The following RSRC1 variants were observed in gnomAD, a reference collection of about 807,000 sequenced individuals.
RSRC1 encodes serine/Arginine-related protein 53.
In RSRC1, 39 loss-of-function variants were observed where a neutral mutation model predicts 49.1. The ratio of observed to expected loss-of-function variants is 0.79; its 90% CI spans 0.61 to 1.04. RSRC1 has a LOEUF of 1.04. Among genes scored for constraint, RSRC1 ranks in the 50% least tolerant of loss-of-function variants. The pLI is 0.00. For synonymous variants in RSRC1, 143 were observed against 130.8 expected (o/e 1.09, Z -0.63); for missense variants, 388 against 402.4 (o/e 0.96, Z 0.31).
At chr3:158,113,867 A>G (rs1250499103) in intron 1 of RSRC1, among the ~76,000 whole-genome samples, 2 of 151,106 alleles carry the variant, frequency 1.3e-5, no homozygotes, top group African/African-American at 4.9e-5. Flanking sequence ...TTTCTTGCAA[A>G]TTTGTTTAAC....
In RSRC1 at chr3:158,544,311, T is replaced by C; in HGVS notation, c.*36T>C. 1 of 1,343,080 alleles carries C rather than the reference T, an allele frequency of 7.4e-7. No individual in the cohort carries two copies. The highest frequency in any genetic ancestry group is 1.0e-6 in the Non-Finnish European group (1 of 967,214). 83.2% of individuals were successfully genotyped at this position (1,343,080 alleles called of 1,614,324 possible). On this transcript the variant is annotated 3_prime_UTR_variant, in exon 10 of 10. Coordinates refer to ENST00000611884, the MANE Select transcript of RSRC1 (RefSeq NM_001271838.2). The stretch of plus-strand genomic sequence containing the variant: ...TATAGTTGGATTGGATTGTCAGCAG[T>C]AACATTGGAAATTTAGGTTTTTAAA...
chr3:158,111,030 C>T (rs1714356007), intron 1 of RSRC1, among the ~76,000 whole-genome samples: 1 of 152,164 alleles, frequency 6.6e-6, no homozygotes, highest in Non-Finnish European at 1.5e-5. Context: ...CAATTGTGTT[C>T]CAGCTAACTA....
chr3:158,506,513 C>T (rs1739865929), intron 7 of RSRC1, among the ~76,000 whole-genome samples: 1 of 151,966 alleles, frequency 6.6e-6, no homozygotes, highest in African/African-American at 2.4e-5. Context: ...AAGCAAAACA[C>T]CAGAATAGAC....
chr3:158,276,045 T>C (rs929891575), intron 4 of RSRC1: 4 of 855,398 alleles, frequency 4.7e-6, no homozygotes, highest in African/African-American at 1.7e-5. Context: ...AAAATTTCTA[T>C]GTGGGATCTT....
chr3:158,401,434 T>C (rs1051002797), intron 6 of RSRC1, among the ~76,000 whole-genome samples: 3 of 152,068 alleles, frequency 2.0e-5, no homozygotes, highest in Non-Finnish European at 2.9e-5. Flanking sequence ...TATTTACTTA[T>C]AGATTGCGAT....
intron 5 of RSRC1, among the ~76,000 whole-genome samples, chr3:158,312,035 T>G (rs1190995994): frequency 2.6e-5 from 4 of 152,108 alleles, no homozygotes; most frequent in Non-Finnish European, 4.4e-5. Context: ...GTGGACATGG[T>G]AGAAACCCTG....
chr3:158,446,363 G>A (rs141436899), intron 6 of RSRC1, among the ~76,000 whole-genome samples: 2,408 of 151,394 alleles, frequency 0.016, 81 homozygotes, highest in African/African-American at 0.056. Flanking sequence ...ACTTTTTTTG[G>A]ATATATGATT....
intron 7 of RSRC1, among the ~76,000 whole-genome samples, chr3:158,461,714 A>G (rs1398491570): frequency 6.6e-6 from 1 of 151,830 alleles, no homozygotes; most frequent in East Asian, 1.9e-4. Flanking sequence ...TAGAATGGCA[A>G]TCATGTCACT....
chr3:158,180,450 T>TG (rs1559931927), intron 3 of RSRC1, among the ~76,000 whole-genome samples: 2 of 51,474 alleles, frequency 3.9e-5, no homozygotes, highest in African/African-American at 7.7e-5. Context: ...GTGTGTGTGT[T>TG]TATGTGTCTG....
Position 158,258,135 on chromosome 3 carries a change from A to C in RSRC1, c.495-39904A>C, listed in dbSNP as rs150583730. On this transcript the variant is annotated intron_variant, in intron 4 of 9. Coordinates refer to ENST00000611884, the MANE Select transcript of RSRC1 (RefSeq NM_001271838.2). ...TTCTGTTTACTTACTATTACCAGTG[A>C]GTTTTAAACCTTCAGATGATTTCTT... 1.2e-3 allele frequency among the ~76,000 whole-genome samples: 170 copies of C among 144,836 alleles called. 2 individuals are homozygous for C. Among genetic ancestry groups the C allele is most frequent in the African/African-American group, 4.1e-3 (165 of 39,958 alleles).
chr3:158,140,973 T>G (rs759459475), intron 3 of RSRC1, among the ~76,000 whole-genome samples: 1 of 152,202 alleles, frequency 6.6e-6, no homozygotes, highest in Non-Finnish European at 1.5e-5. Context: ...ACCAGAGAGC[T>G]GTAGTATCAC....
At position 158,302,667 on chromosome 3, in the gene RSRC1, C is replaced by CTTTTTTTTTTTTTTTT. The variant is rs58057548; in HGVS notation, c.531+4603_531+4604insTTTTTTTTTTTTTTTT. 5 of 98,108 alleles carry CTTTTTTTTTTTTTTTT rather than the reference C, an allele frequency of 5.1e-5. 1 individual carries two copies. The highest frequency in any genetic ancestry group is 8.5e-5 in the African/African-American group (2 of 23,402). The allele number at this position is 98,108 out of a possible 1,614,324, so 6.1% of individuals were successfully genotyped here. A position where few individuals can be genotyped will look rare whatever the true frequency, so the allele number is the denominator to read the frequency against. On this transcript the variant is annotated intron_variant, in intron 5 of 9. Transcript: ENST00000611884. ...CTCCATGTTTTTTTCTTTTTTCTTC[C>CTTTTTTTTTTTTTTTT]TTTTTTTTTTTGAGATGGGAGTCTT...
intron 6 of RSRC1, among the ~76,000 whole-genome samples, chr3:158,413,843 T>C (rs894026606): frequency 9.2e-5 from 14 of 152,276 alleles, no homozygotes; most frequent in Admixed American, 9.2e-4. Context: ...CAACAGGTGT[T>C]AGTGAGATTG....
At chr3:158,520,594 T>G (rs1377314326) in intron 7 of RSRC1, among the ~76,000 whole-genome samples, 1 of 152,184 alleles carries the variant, frequency 6.6e-6, no homozygotes, top group Non-Finnish European at 1.5e-5. Flanking sequence ...TTTTACTGTC[T>G]GCCTAATCAC....
chr3:158,170,523 G>A (rs1406196324), intron 3 of RSRC1, among the ~76,000 whole-genome samples: 2 of 152,138 alleles, frequency 1.3e-5, no homozygotes, highest in South Asian at 2.1e-4. Context: ...AATACTAGCA[G>A]CAACTACTTT....
intron 3 of RSRC1, among the ~76,000 whole-genome samples, chr3:158,201,957 CTTTGTTTATTTT>C (rs1721072455): frequency 6.6e-6 from 1 of 151,892 alleles, no homozygotes; most frequent in Non-Finnish European, 1.5e-5. Flanking sequence ...AAAAATGTAC[CTTTGTTTATTTT>C]TTTGTTTAGG....
At chr3:158,160,211 C>A (rs564167897) in intron 3 of RSRC1, among the ~76,000 whole-genome samples, 64 of 152,250 alleles carry the variant, frequency 4.2e-4, no homozygotes, top group African/African-American at 1.5e-3. Flanking sequence ...GTGTCTCTGA[C>A]CTTTCCTGAA....
At chr3:158,255,816 C>T (rs528776750) in intron 4 of RSRC1, among the ~76,000 whole-genome samples, 1 of 152,246 alleles carries the variant, frequency 6.6e-6, no homozygotes, top group Admixed American at 6.5e-5. Flanking sequence ...CTCTTTGTAG[C>T]AATTGTGAAT....
chr3:158,333,632 G>C lies in RSRC1; in HGVS notation c.532-21225G>C, dbSNP rs573330865. The stretch of plus-strand genomic sequence containing the variant: ...TAGTACTTTCAGCACTTTTCATTGA[G>C]TGAGGACAAAGCTTCAAAAAAGTAA... On this transcript the variant is annotated intron_variant, in intron 5 of 9. Transcript: ENST00000611884. Among the ~76,000 whole-genome samples, 23 of 152,284 alleles carry C rather than the reference G, an allele frequency of 1.5e-4. No homozygotes were observed. In the South Asian group the frequency reaches 4.6e-3, roughly 30 times the overall value.
Sources: gnomAD v4.1 joint callset for allele counts (sites outside exome capture counted in the v4.1 genomes callset) on GRCh38, gnomAD v4.1.1 for gene constraint, MANE v1.5 for transcripts, NCBI Gene and HGNC (gene_info 2026-07-23, HGNC 2026-07-21) for gene names.